GRIK1: variants seen among roughly 807,000 people sequenced by gnomAD.
GRIK1 encodes the protein glutamate receptor ionotropic, kainate 1.
Under a neutral mutation model 105.7 loss-of-function variants are expected in GRIK1, and 69 were observed. The observed-to-expected ratio is 0.65, with a 90% CI of 0.54 to 0.80. The LOEUF is 0.80. Ranked by LOEUF, GRIK1 falls within the 30% of genes least tolerant of loss-of-function variation. GRIK1 has a pLI of 0.00. For synonymous variants in GRIK1, 438 were observed against 431.3 expected (o/e 1.02, Z -0.19); for missense variants, 1,109 against 1,167.3 (o/e 0.95, Z 0.73).
At chr21:29,638,743 T>TA (rs1336617167) in intron 7 of GRIK1, among the ~76,000 whole-genome samples, 1 of 152,238 alleles carries the variant, frequency 6.6e-6, no homozygotes, top group Non-Finnish European at 1.5e-5. Flanking sequence ...ACTGCAATCT[T>TA]ACTCCAATAG....
At chr21:29,605,262 T>C (rs1246458136) in intron 7 of GRIK1, among the ~76,000 whole-genome samples, 1 of 152,160 alleles carries the variant, frequency 6.6e-6, no homozygotes, top group Non-Finnish European at 1.5e-5. Flanking sequence ...TTCCCCTCCA[T>C]GTGTCCATGT....
intron 1 of GRIK1, among the ~76,000 whole-genome samples, chr21:29,799,696 A>C (rs945660471): frequency 1.3e-5 from 2 of 152,032 alleles, no homozygotes; most frequent in African/African-American, 4.8e-5. Context: ...TGCCCGACTA[A>C]TTTTTGTATT....
At chr21:29,779,475 C>T (rs2066032077) in intron 1 of GRIK1, among the ~76,000 whole-genome samples, 1 of 132,426 alleles carries the variant, frequency 7.6e-6, no homozygotes, top group Admixed American at 8.0e-5. Flanking sequence ...AGAACAATAG[C>T]TTTGTTTTGC....
At chr21:29,905,294 T>G (rs2070571250) in intron 1 of GRIK1, among the ~76,000 whole-genome samples, 1 of 152,104 alleles carries the variant, frequency 6.6e-6, no homozygotes, top group Admixed American at 6.5e-5. Flanking sequence ...CAAGTTATAT[T>G]AAGTTACACT....
At chr21:29,539,916 A>G (rs1049965292) in intron 16 of GRIK1, among the ~76,000 whole-genome samples, 5 of 152,336 alleles carry the variant, frequency 3.3e-5, no homozygotes, top group South Asian at 4.1e-4. Context: ...GAAATCATCT[A>G]CACATTACCT....
intron 1 of GRIK1, among the ~76,000 whole-genome samples, chr21:29,776,629 G>GA (rs758938680): frequency 1.1e-4 from 16 of 152,144 alleles, no homozygotes; most frequent in Non-Finnish European, 1.9e-4. Context: ...TGACAAGGAG[G>GA]ATGATATTTT....
chr21:29,781,121 C>T (rs1349735899), intron 1 of GRIK1, among the ~76,000 whole-genome samples: 1 of 152,164 alleles, frequency 6.6e-6, no homozygotes, highest in Non-Finnish European at 1.5e-5. Context: ...TAAGACATCT[C>T]TTTTATGTAC....
At chr21:29,828,015 G>C (rs200335692) in intron 1 of GRIK1, among the ~76,000 whole-genome samples, 38 of 60,182 alleles carry the variant, frequency 6.3e-4, no homozygotes, top group African/African-American at 1.4e-3. Flanking sequence ...CTCTCTCTGT[G>C]TGTGTGTGTG....
At chr21:29,930,429 A>T (rs549919739) in intron 1 of GRIK1, among the ~76,000 whole-genome samples, 4 of 152,288 alleles carry the variant, frequency 2.6e-5, no homozygotes, top group African/African-American at 9.6e-5. Flanking sequence ...AGAAAGTAAG[A>T]ACACTTGATT....
rs184750397 is a variant in GRIK1, at chr21:29,684,407, A to T, written c.544+5321T>A. Among the ~76,000 whole-genome samples, 564 of 152,216 alleles carry T rather than the reference A, an allele frequency of 3.7e-3. 10 individuals carry two copies. Among genetic ancestry groups the T allele is most frequent in the African/African-American group, 0.013 (536 of 41,512 alleles). On this transcript the variant is annotated intron_variant, in intron 3 of 17. Coordinates refer to ENST00000327783, the MANE Select transcript of GRIK1 (RefSeq NM_001330994.2). The stretch of plus-strand genomic sequence containing the variant: ...CTATCATCTATCTAATCTATCATCT[A>T]CTTATTTATATATCTATCTAATCTA...
chr21:29,660,204 T>C (rs1473923406), intron 4 of GRIK1, among the ~76,000 whole-genome samples: 1 of 152,194 alleles, frequency 6.6e-6, no homozygotes. Flanking sequence ...TCTAGCCTAG[T>C]TGTTCTTGGC....
chr21:29,929,307 G>A (rs944720212), intron 1 of GRIK1, among the ~76,000 whole-genome samples: 1 of 152,086 alleles, frequency 6.6e-6, no homozygotes, highest in Non-Finnish European at 1.5e-5. Context: ...TTTAATAATC[G>A]AGAATCTACA....
chr21:29,837,112 G>A (rs917287141), intron 1 of GRIK1, among the ~76,000 whole-genome samples: 2 of 152,152 alleles, frequency 1.3e-5, no homozygotes, highest in African/African-American at 2.4e-5. Flanking sequence ...TGAATGGGAT[G>A]TAATCGTTTT....
At chr21:29,608,248 G>A (rs1042884701) in intron 7 of GRIK1, among the ~76,000 whole-genome samples, 1 of 152,130 alleles carries the variant, frequency 6.6e-6, no homozygotes, top group Non-Finnish European at 1.5e-5. Context: ...AAGCTCATGT[G>A]TATAAGGTAA....
At chr21:29,744,087 T>C (rs1348340571) in intron 1 of GRIK1, among the ~76,000 whole-genome samples, 1 of 152,090 alleles carries the variant, frequency 6.6e-6, no homozygotes, top group Non-Finnish European at 1.5e-5. Context: ...AAATAGAAGT[T>C]AAAAAAATAG....
At chr21:29,724,794 C>T (rs191342874) in intron 1 of GRIK1, among the ~76,000 whole-genome samples, 187 of 152,212 alleles carry the variant, frequency 1.2e-3, no homozygotes, top group Admixed American at 2.6e-3. Flanking sequence ...CCCTAAGTGC[C>T]GCTTCTCACA....
rs1436774422 is a variant in GRIK1 at position 29,867,926 on chromosome 21, A to G, written c.118+71457T>C. 5.1e-3 allele frequency among the ~76,000 whole-genome samples: 642 copies of G among 125,890 alleles called. 1 individual carries two copies. The highest frequency in any genetic ancestry group is 0.017 in the Middle Eastern group (4 of 242). 82.6% of individuals were successfully genotyped at this position (125,890 alleles called of 152,430 possible). ...AGAAAGAAAGAGAGAGAAAGAGAGAAAGAGAGAGAAAGAGAGAGAGAAAGA... is the reference window on the plus strand; with the variant it reads ...AGAAAGAAAGAGAGAGAAAGAGAGAGAGAGAGAGAAAGAGAGAGAGAAAGA... On this transcript the variant is annotated intron_variant, in intron 1 of 17. Coordinates refer to ENST00000327783, the MANE Select transcript of GRIK1 (RefSeq NM_001330994.2).
intron 1 of GRIK1, among the ~76,000 whole-genome samples, chr21:29,762,884 C>T (rs749585644): frequency 2.6e-5 from 4 of 152,208 alleles, no homozygotes; most frequent in Non-Finnish European, 5.9e-5. Flanking sequence ...GGATATGTCA[C>T]ACAGACAGCT....
Position 29,672,748 on chromosome 21 carries a change from TC to T in GRIK1, c.726+234del, listed in dbSNP as rs551839490. Among the ~76,000 whole-genome samples, 11 of 152,234 alleles carry T rather than the reference TC, an allele frequency of 7.2e-5. No homozygotes were observed. In the East Asian group the frequency reaches 2.1e-3, roughly 29 times the overall value. ...CTGGTAGGAGTCACATACCACTCGG[TC>T]CACCCATAGAAACACACATTTACAA... is the stretch of plus-strand genomic sequence containing the variant. On this transcript the variant is annotated intron_variant, in intron 4 of 17. Transcript: ENST00000327783.
Sources: allele counts gnomAD v4.1 joint callset (sites outside exome capture counted in the v4.1 genomes callset), GRCh38; gene constraint gnomAD v4.1.1; transcripts MANE v1.5; gene names NCBI Gene and HGNC (gene_info 2026-07-23, HGNC 2026-07-21).